Variants in ATM observed in about 807,000 individuals in gnomAD.
ATM encodes serine-protein kinase ATM.
A neutral mutation model predicts 387.0 loss-of-function variants in ATM; 308 were observed. The ratio of observed to expected loss-of-function variants is 0.80; its 90% confidence interval spans 0.73 to 0.87. The LOEUF is 0.87. Among genes scored for constraint, ATM ranks in the 40% least tolerant of loss-of-function variants. The pLI, the probability that ATM is intolerant of heterozygous loss-of-function variation, is 0.00. For missense variants in ATM, 3,312 were observed against 3,560.9 expected (o/e 0.93, Z 1.78); for synonymous variants, 1,156 against 1,187.3 (o/e 0.97, Z 0.54).
intron 36 of ATM, among the ~76,000 whole-genome samples, chr11:108,303,368 C>T (rs1402376952): frequency 6.6e-6 from 1 of 152,048 alleles, no homozygotes; most frequent in African/African-American, 2.4e-5. Context: ...GATATGCTTT[C>T]TTGAATAAGA....
chr11:108,317,293 G>T (rs2136157804), intron 42 of ATM, 80 bp from the exon 43 acceptor site: 1 of 1,440,788 alleles, frequency 6.9e-7, no homozygotes, highest in Non-Finnish European at 9.6e-7. Flanking sequence ...AAGTTAATTT[G>T]TATCTTTGCT....
chr11:108,236,128 A>G (rs2079265009), intron 5 of ATM: 1 of 421,232 alleles, frequency 2.4e-6, no homozygotes, highest in Non-Finnish European at 4.4e-6. Context: ...CAAGTAAACC[A>G]GAGTTCATAA....
chr11:108,361,639 C>T (rs1055170419), intron 61 of ATM, among the ~76,000 whole-genome samples: 115 of 151,592 alleles, frequency 7.6e-4, no homozygotes, highest in African/African-American at 2.4e-3. Context: ...TTAGAAATAA[C>T]GCCGCATGTC....
chr11:108,235,821 G>A lies in ATM; in HGVS notation c.483G>A (p.Gln161=), dbSNP rs864622742. 6.2e-7 allele frequency: 1 copy of A among 1,613,770 alleles called. No individual in the cohort carries two copies. Among genetic ancestry groups the A allele is most frequent in the Middle Eastern group, 1.7e-4 (1 of 6,056 alleles). ...GAAAATACTGGTGTGAAATATCTCA[G>A]CAACAGTGGTTAGGTATGTTTTGAA... ...SVRKYWCEIS[Q]QQWLELFSVY... The change falls in exon 5 of 63, where the codon CAG becomes CAA. Residue 161 remains glutamine, a synonymous_variant. Transcript: ENST00000675843.
At position 108,279,517 on chromosome 11, in the gene ATM, C is replaced by G. The variant is rs1555090126; in HGVS notation, c.3311C>G (p.Ser1104Cys). Reference sequence around the variant, plus strand: ...TTGTTCCAGGACACGAAGGGAGATTCTTCCAGGTTACTGAAAGCACTTCCT... The same window carrying G: ...TTGTTCCAGGACACGAAGGGAGATTGTTCCAGGTTACTGAAAGCACTTCCT... ...NRLFQDTKGD[S>C]SRLLKALPLK... Residue 1104 changes from serine (S) to cysteine (C), a missense_variant, in exon 23 of 63, where the codon TCT becomes TGT. By Grantham distance (112) the Ser-to-Cys change is moderately radical. This residue lies in a region of ATM where 1,791 missense variants were observed against 1,804.5 expected (regional missense o/e 0.99). Transcript: ENST00000675843. 6.2e-7 allele frequency: 1 copy of G among 1,612,778 alleles called. No individual in the cohort carries two copies. Among genetic ancestry groups the G allele is most frequent in the Non-Finnish European group, 8.5e-7 (1 of 1,179,204 alleles).
chr11:108,261,071 G>A (rs1191519174), intron 16 of ATM, among the ~76,000 whole-genome samples: 7 of 152,196 alleles, frequency 4.6e-5, no homozygotes, highest in Non-Finnish European at 5.9e-5. Flanking sequence ...AGGGATGCCT[G>A]CCATTGCCCA....
chr11:108,294,969 C>G lies in ATM; in HGVS notation c.4819C>G (p.Pro1607Ala), dbSNP rs1178015475. 6.2e-7 allele frequency: 1 copy of G among 1,613,780 alleles called. No homozygotes were observed. The highest frequency in any genetic ancestry group is 8.5e-7 in the Non-Finnish European group (1 of 1,179,820). ...FLSVSVYDAL[P>A]LTRLEGLKDL... The stretch of plus-strand genomic sequence containing the variant: ...CTCAGTAAGTGTTTATGATGCACTT[C>G]CATTGACAAGACTTGAAGGACTAAA... Residue 1607 changes from proline (P) to alanine (A), a missense_variant, in exon 32 of 63, where the codon CCA (proline) becomes GCA (alanine). Pro to Ala is a conservative substitution (Grantham distance 27). This residue lies in a region of ATM where 1,405 missense variants were observed against 1,604.4 expected (regional missense o/e 0.88). Transcript: ENST00000675843.
chr11:108,259,433 C>G (rs917149731), intron 16 of ATM, among the ~76,000 whole-genome samples: 51 of 152,056 alleles, frequency 3.4e-4, no homozygotes, highest in African/African-American at 1.2e-3. Context: ...TTGCAGTGAG[C>G]GAAGATCGTG....
chr11:108,260,648 G>T (rs149540056), intron 16 of ATM, among the ~76,000 whole-genome samples: 1 of 152,162 alleles, frequency 6.6e-6, no homozygotes, highest in Non-Finnish European at 1.5e-5. Flanking sequence ...CAAGATGGCC[G>T]AATAGGAACA....
chr11:108,346,566 G>A (rs2088432789), intron 58 of ATM: 1 of 152,062 alleles, frequency 6.6e-6, no homozygotes. Flanking sequence ...GGAAGGCAGG[G>A]CATGTATGTT....
At chr11:108,352,074 C>A (rs227041) in intron 59 of ATM, among the ~76,000 whole-genome samples, 79,547 of 151,856 alleles carry the variant, frequency 0.52, 21,719 homozygotes, top group Middle Eastern at 0.73. Context: ...TAAGGAAGAT[C>A]CTGAGTCTCG....
chr11:108,304,533 C>T, intron 36 of ATM, 142 bp from the exon 37 acceptor site: 1 of 845,560 alleles, frequency 1.2e-6, no homozygotes, highest in Non-Finnish European at 1.8e-6. Context: ...GTTTTTTTAG[C>T]AGTATGTTGA....
intron 26 of ATM, among the ~76,000 whole-genome samples, chr11:108,286,882 T>C (rs1302591254): frequency 3.3e-5 from 5 of 152,208 alleles, no homozygotes; most frequent in African/African-American, 9.6e-5. Flanking sequence ...TAATTCCTTA[T>C]TTGGAAAGTT....
At chr11:108,337,757 T>C (rs2136757346) in intron 56 of ATM, among the ~76,000 whole-genome samples, 1 of 152,342 alleles carries the variant, frequency 6.6e-6, no homozygotes, top group African/African-American at 2.4e-5. Context: ...GTAATGTGAA[T>C]GAAAGGAAAT....
intron 56 of ATM, among the ~76,000 whole-genome samples, chr11:108,338,796 T>C (rs930677335): frequency 3.9e-5 from 6 of 152,232 alleles, no homozygotes; most frequent in Non-Finnish European, 8.8e-5. Flanking sequence ...GCCAGTAATG[T>C]TATTTTGAGA....
intron 22 of ATM, among the ~76,000 whole-genome samples, chr11:108,276,015 CT>C (rs2135600169): frequency 6.6e-6 from 1 of 152,310 alleles, no homozygotes; most frequent in South Asian, 2.1e-4. Context: ...TAGATTTAGT[CT>C]TTTCATATAG....
intron 56 of ATM, among the ~76,000 whole-genome samples, chr11:108,338,655 T>TAA (rs370655293): frequency 6.9e-6 from 1 of 144,638 alleles, no homozygotes; most frequent in Non-Finnish European, 1.5e-5. Flanking sequence ...GAACTTGTCT[T>TAA]AAAAAAAAAA....
rs1193190422 is a variant in ATM at position 108,343,318 on chromosome 11, A to C, written c.8365A>C (p.Lys2789Gln). Residue 2789 changes from lysine (K) to glutamine (Q), a missense_variant, in exon 57 of 63, where the codon AAA (lysine) becomes CAA (glutamine). By Grantham distance (53) the Lys-to-Gln change is moderately conservative. This residue lies in a region of ATM where 1,405 missense variants were observed against 1,604.4 expected (regional missense o/e 0.88). Transcript: ENST00000675843. ...FLVNNEDGAH[K>Q]RYRPNDFSAF... ...TGTTAACAATGAAGATGGTGCTCAT[A>C]AAAGATACAGGCCAAATGATTTCAG... 1.2e-6 allele frequency: 2 copies of C among 1,614,090 alleles called. No individual in the cohort carries two copies. The highest frequency in any genetic ancestry group is 1.7e-4 in the Middle Eastern group (1 of 6,060).
chr11:108,339,790 G>T (rs913906949), intron 56 of ATM, among the ~76,000 whole-genome samples: 3 of 152,074 alleles, frequency 2.0e-5, no homozygotes, highest in Non-Finnish European at 4.4e-5. Flanking sequence ...ATGTAAAAGA[G>T]ACTTTAGACA....
Sources: allele counts gnomAD v4.1 joint callset (sites outside exome capture counted in the v4.1 genomes callset), GRCh38; gene constraint gnomAD v4.1.1; regional missense constraint gnomAD v4.1.1; transcripts MANE v1.5; gene names NCBI Gene and HGNC (gene_info 2026-07-23, HGNC 2026-07-21).